TENM2: variants seen among roughly 807,000 people sequenced by gnomAD.
The protein encoded by TENM2 is teneurin transmembrane protein 2.
Under a neutral mutation model 245.2 loss-of-function variants are expected in TENM2, and 52 were observed. That is an observed-to-expected ratio of 0.21 (90% CI 0.17 to 0.27). The LOEUF (loss-of-function observed/expected upper bound fraction) is 0.27. Ranked by LOEUF, TENM2 falls within the 10% of genes least tolerant of loss-of-function variation. TENM2 has a pLI of 1.00. For missense variants in TENM2, 3,046 were observed against 3,666.8 expected, an observed-to-expected ratio of 0.83 and a Z score of 4.37; for synonymous variants, 1,363 against 1,438.9, an observed-to-expected ratio of 0.95 and a Z score of 1.19.
At chr5:167,955,160 T>C (rs967790848) in intron 4 of TENM2, among the ~76,000 whole-genome samples, 1 of 152,230 alleles carries the variant, frequency 6.6e-6, no homozygotes, top group Non-Finnish European at 1.5e-5. Flanking sequence ...ATCGCCATTG[T>C]AACTGGCATG....
intron 3 of TENM2, among the ~76,000 whole-genome samples, chr5:167,897,887 A>ATTTTTT (rs1432727515): frequency 7.3e-6 from 1 of 136,762 alleles, no homozygotes; most frequent in Admixed American, 8.5e-5. Context: ...TCCGTAGTAA[A>ATTTTTT]TTGTTTTTTT....
the TENM2 span, among the ~76,000 whole-genome samples, chr5:167,262,518 C>T: frequency 2.0e-5 from 3 of 152,000 alleles, no homozygotes; most frequent in Non-Finnish European, 2.9e-5. Flanking sequence ...ATAATTGCTC[C>T]TTCTTTTCCA....
chr5:167,532,312 T>TA (rs1477252341), intron 2 of TENM2, among the ~76,000 whole-genome samples: 1 of 134,158 alleles, frequency 7.5e-6, no homozygotes. Context: ...TCTCTCTTTT[T>TA]ATATATATAT....
At chr5:168,023,630 C>A (rs1282128997) in intron 5 of TENM2, among the ~76,000 whole-genome samples, 1 of 152,204 alleles carries the variant, frequency 6.6e-6, no homozygotes, top group Non-Finnish European at 1.5e-5. Context: ...GTTTAGAGAG[C>A]AGCTGGACGT....
In TENM2 at chr5:168,075,077, C is replaced by A. The variant is rs114937562; in HGVS notation, c.1515+12812C>A. On this transcript the variant is annotated intron_variant, in intron 7 of 28. Coordinates refer to ENST00000518659, the Ensembl canonical transcript of TENM2. ...GTACCCAATGTGTAGTTTTTTTATC[C>A]CTCACCCCGCTTCCACCCTTTCCCC... 9.8e-3 allele frequency among the ~76,000 whole-genome samples: 1,498 copies of A among 152,112 alleles called. 27 individuals carry two copies. Among genetic ancestry groups the A allele is most frequent in the Admixed American group, 0.044 (677 of 15,282 alleles).
intron 2 of TENM2, among the ~76,000 whole-genome samples, chr5:167,536,179 G>T (rs1269778900): frequency 2.0e-5 from 3 of 152,002 alleles, no homozygotes; most frequent in Non-Finnish European, 4.4e-5. Flanking sequence ...ACCCACCTAG[G>T]CTCATTCTGA....
chr5:167,922,068 C>T (rs1457048604), intron 3 of TENM2, among the ~76,000 whole-genome samples: 4 of 152,140 alleles, frequency 2.6e-5, no homozygotes, highest in Non-Finnish European at 4.4e-5. Context: ...AAAAAAGAGT[C>T]ATGAAGTAGG....
chr5:167,638,090 GGTGTGTGTGTGTGTGTGTGT>G lies in TENM2; in HGVS notation c.503-237861_503-237842del, dbSNP rs70976439. Among the ~76,000 whole-genome samples the G allele has an allele frequency of 8.2e-3, 1,131 of 137,690 alleles. 19 individuals are homozygous for G. The highest frequency in any genetic ancestry group is 0.029 in the African/African-American group (1,059 of 36,894). The allele number at this position is 137,690 out of a possible 152,430, so 90.3% of individuals were successfully genotyped here. ...TGGACTATAAAGACAGAACAGGGCA[GGTGTGTGTGTGTGTGTGTGT>G]GTGTGTGTGTGTGTGTGTGTGTGTG... On this transcript the variant is annotated intron_variant, in intron 2 of 28. Coordinates refer to ENST00000518659, the Ensembl canonical transcript of TENM2.
At chr5:167,339,818 C>T (rs1229515815) in intron 1 of TENM2, among the ~76,000 whole-genome samples, 2 of 152,156 alleles carry the variant, frequency 1.3e-5, no homozygotes, top group African/African-American at 4.8e-5. Context: ...ATCCCTCTCA[C>T]TTCCCATGAT....
intron 5 of TENM2, among the ~76,000 whole-genome samples, chr5:168,016,059 C>A (rs556437524): frequency 6.6e-6 from 1 of 152,308 alleles, no homozygotes; most frequent in Non-Finnish European, 1.5e-5. Flanking sequence ...AAGCATGCAC[C>A]TTTCCAGAGC....
intron 1 of TENM2, among the ~76,000 whole-genome samples, chr5:167,350,881 T>C (rs1758843915): frequency 1.1e-5 from 1 of 89,550 alleles, no homozygotes; most frequent in African/African-American, 3.6e-5. Flanking sequence ...TGGATATATA[T>C]ATATGGGATG....
chr5:167,663,170 G>A (rs112407237), intron 2 of TENM2, among the ~76,000 whole-genome samples: 3 of 151,132 alleles, frequency 2.0e-5, no homozygotes, highest in Admixed American at 6.6e-5. Flanking sequence ...GAGAGAGAGA[G>A]AGAGAGAGAG....
At chr5:167,996,014 G>A (rs1784022827) in intron 5 of TENM2, among the ~76,000 whole-genome samples, 1 of 152,136 alleles carries the variant, frequency 6.6e-6, no homozygotes, top group African/African-American at 2.4e-5. Flanking sequence ...TCCTGAAATT[G>A]ATGCATCAGC....
intron 2 of TENM2, among the ~76,000 whole-genome samples, chr5:167,575,685 G>A (rs1437775612): frequency 1.3e-5 from 2 of 152,134 alleles, no homozygotes; most frequent in African/African-American, 2.4e-5. Context: ...GATACAGGTT[G>A]GGGAGACTTA....
intron 2 of TENM2, among the ~76,000 whole-genome samples, chr5:167,468,598 G>A (rs539436195): frequency 6.6e-6 from 1 of 152,240 alleles, no homozygotes; most frequent in South Asian, 2.1e-4. Flanking sequence ...CCAAAAATTT[G>A]CAGAGCTTAG....
intron 9 of TENM2, among the ~76,000 whole-genome samples, chr5:168,102,954 T>C (rs1793938978): frequency 6.6e-6 from 1 of 152,232 alleles, no homozygotes; most frequent in Non-Finnish European, 1.5e-5. Flanking sequence ...TATGTATACA[T>C]GTGCCATGTT....
chr5:167,055,567 T>C, the TENM2 span, among the ~76,000 whole-genome samples: 964 of 152,218 alleles, frequency 6.3e-3, 8 homozygotes, highest in Non-Finnish European at 9.1e-3. Context: ...TTCATTCAGT[T>C]CTTCTTTGAT....
the TENM2 span, among the ~76,000 whole-genome samples, chr5:167,201,761 C>T: frequency 6.6e-6 from 1 of 152,050 alleles, no homozygotes; most frequent in Admixed American, 6.6e-5. Context: ...TCTCCATTTT[C>T]TTTTTTGTTT....
chr5:167,554,115 G>T (rs1472176296), intron 2 of TENM2, among the ~76,000 whole-genome samples: 1 of 152,146 alleles, frequency 6.6e-6, no homozygotes, highest in Non-Finnish European at 1.5e-5. Context: ...TCCCACCACA[G>T]CAATATCCAT....
Sources: allele counts gnomAD v4.1 joint callset (sites outside exome capture counted in the v4.1 genomes callset), GRCh38; gene constraint gnomAD v4.1.1; transcripts MANE v1.5; gene names NCBI Gene and HGNC (gene_info 2026-07-23, HGNC 2026-07-21).